PCDHGA4: variants seen among roughly 807,000 people sequenced by gnomAD.
PCDHGA4 encodes the protein protocadherin gamma subfamily A, 4.
Under a neutral mutation model 54.6 loss-of-function variants are expected in PCDHGA4, and 38 were observed. The ratio of observed to expected loss-of-function variants is 0.70; its 90% confidence interval spans 0.54 to 0.91. The LOEUF is 0.91. PCDHGA4 is among the 40% of genes least tolerant of loss of function. The pLI, the probability that PCDHGA4 is intolerant of heterozygous loss-of-function variation, is 0.00. For synonymous variants in PCDHGA4, 511 were observed against 512.9 expected, an observed-to-expected ratio of 1.00 and a Z score of 0.05; for missense variants, 1,298 against 1,220.9, an observed-to-expected ratio of 1.06 and a Z score of -0.94.
intron 1 of PCDHGA4, chr5:141,399,057 A>C (rs747872462): frequency 6.2e-7 from 1 of 1,613,840 alleles, no homozygotes; most frequent in Admixed American, 1.7e-5. Context: ...AGACCAAGGA[A>C]TATTCAATGG....
intron 1 of PCDHGA4, chr5:141,394,841 C>A: frequency 6.2e-7 from 1 of 1,613,852 alleles, no homozygotes; most frequent in Non-Finnish European, 8.5e-7. Flanking sequence ...CCGAGTTGGG[C>A]AGTCTGAAGC....
chr5:141,370,291 A>C (rs1766798910), intron 1 of PCDHGA4: 8 of 1,049,850 alleles, frequency 7.6e-6, no homozygotes, highest in Admixed American at 2.8e-5. Flanking sequence ...AGAGAACCCA[A>C]GCACAAAGAC....
At position 141,476,901 on chromosome 5, in the gene PCDHGA4, G is replaced by C; in HGVS notation, c.2515-17906G>C. On this transcript the variant is annotated intron_variant, in intron 1 of 3. Coordinates refer to ENST00000571252, the MANE Select transcript of PCDHGA4 (RefSeq NM_018917.4). The surrounding 1 kb of genome is among the most constrained non-coding windows in gnomAD (Gnocchi z 7.6). ...CTGGAGGATGCACCCTCCGGCACGC[G>C]CGTGGTACAAGTCCTTGCAACGGAT... The C allele has an allele frequency of 1.2e-6, 2 of 1,613,900 alleles. No homozygotes were observed. Among genetic ancestry groups the C allele is most frequent in the Non-Finnish European group, 1.7e-6 (2 of 1,180,034 alleles).
In PCDHGA4 at chr5:141,490,755, C is replaced by T; in HGVS notation, c.2515-4052C>T. ...AGGTTCAGGGAGCCCCAGCCTCCTC[C>T]TTTGTGTATGTCAACCCAGAGGATG... On this transcript the variant is annotated intron_variant, in intron 1 of 3. Transcript: ENST00000571252. This position sits in a 1 kb window ranked among gnomAD's most constrained non-coding sequence, Gnocchi z 5.4. 1 of 1,614,190 alleles carries T rather than the reference C, an allele frequency of 6.2e-7. No individual in the cohort carries two copies. Among genetic ancestry groups the T allele is most frequent in the Non-Finnish European group, 8.5e-7 (1 of 1,180,026 alleles).
At chr5:141,414,964 G>C (rs1245472476) in intron 1 of PCDHGA4, 11 of 1,613,874 alleles carry the variant, frequency 6.8e-6, no homozygotes, top group Non-Finnish European at 9.3e-6. Context: ...CAAGGTGGTG[G>C]CGGTGGACAG....
rs1252377833 is a variant in PCDHGA4, at chr5:141,485,012, G to T, written c.2515-9795G>T. On this transcript the variant is annotated intron_variant, in intron 1 of 3. Coordinates refer to ENST00000571252, the MANE Select transcript of PCDHGA4 (RefSeq NM_018917.4). The surrounding 1 kb of genome is among the most constrained non-coding windows in gnomAD (Gnocchi z 5.7). Reference sequence around the variant, plus strand: ...GGTGAAAGGCAGACAAATCTACCCCGCCACCAGCAAAAACGGCGCGTAACC... The same window carrying T: ...GGTGAAAGGCAGACAAATCTACCCCTCCACCAGCAAAAACGGCGCGTAACC... The T allele has an allele frequency of 1.3e-5, 8 of 630,528 alleles. No individual in the cohort carries two copies. In the Admixed American group the frequency reaches 1.5e-4, roughly 12 times the overall value. 39.1% of individuals were successfully genotyped at this position (630,528 alleles called of 1,614,324 possible).
intron 1 of PCDHGA4, among the ~76,000 whole-genome samples, chr5:141,488,854 A>G (rs923370040): frequency 1.3e-5 from 2 of 152,226 alleles, no homozygotes; most frequent in Admixed American, 1.3e-4. Context: ...AACCTGCAGC[A>G]CGAAGTGAGT....
At position 141,432,950 on chromosome 5, in the gene PCDHGA4, G is replaced by T. The variant is rs750033444; in HGVS notation, c.2515-61857G>T. ...ACGCCTGCTGCAGGCTTCAGGAGGCGGCTTGACAGGAGCGCCGGCGTCGCA... is the reference window on the plus strand; with the variant it reads ...ACGCCTGCTGCAGGCTTCAGGAGGCTGCTTGACAGGAGCGCCGGCGTCGCA... On this transcript the variant is annotated intron_variant, in intron 1 of 3. Coordinates refer to ENST00000571252, the MANE Select transcript of PCDHGA4 (RefSeq NM_018917.4). This position sits in a 1 kb window ranked among gnomAD's most constrained non-coding sequence, Gnocchi z 6.0. 6 of 1,614,072 alleles carry T rather than the reference G, an allele frequency of 3.7e-6. No individual in the cohort carries two copies. Among genetic ancestry groups the T allele is most frequent in the Admixed American group, 1.7e-5 (1 of 60,010 alleles).
chr5:141,400,245 C>G (rs778709619), intron 1 of PCDHGA4: 32 of 1,613,998 alleles, frequency 2.0e-5, no homozygotes, highest in Non-Finnish European at 2.5e-5. Flanking sequence ...TGATTCTGGC[C>G]GTTGCCTTGC....
intron 1 of PCDHGA4, among the ~76,000 whole-genome samples, chr5:141,369,043 C>A (rs187962324): frequency 6.6e-6 from 1 of 152,148 alleles, no homozygotes; most frequent in Non-Finnish European, 1.5e-5. Flanking sequence ...TTTAGAGTAA[C>A]AATACATTAT....
intron 2 of PCDHGA4, among the ~76,000 whole-genome samples, chr5:141,495,663 G>T (rs756466649): frequency 6.6e-6 from 1 of 152,050 alleles, no homozygotes; most frequent in African/African-American, 2.4e-5. Context: ...GATCTGTGCC[G>T]CCCACTGTGC....
chr5:141,394,633 G>A (rs1026935408), intron 1 of PCDHGA4: 57 of 1,613,274 alleles, frequency 3.5e-5, no homozygotes, highest in Middle Eastern at 1.7e-4. Flanking sequence ...CTGTCCTACC[G>A]CCTGCTCAAG....
chr5:141,455,550 G>C lies in PCDHGA4; in HGVS notation c.2515-39257G>C, dbSNP rs1195359804. On this transcript the variant is annotated intron_variant, in intron 1 of 3. Transcript: ENST00000571252. ...ACCAGGCATATCATTCACGTAGCCC[G>C]AGAAAAAGCTGGCCCTCCCACCCCA... 2.0e-5 allele frequency among the ~76,000 whole-genome samples: 3 copies of C among 152,138 alleles called. No individual in the cohort carries two copies. In the South Asian group the frequency reaches 6.2e-4, roughly 32 times the overall value.
chr5:141,414,540 C>G, intron 1 of PCDHGA4: 1 of 1,613,948 alleles, frequency 6.2e-7, no homozygotes. Flanking sequence ...ACCCACCTAC[C>G]TTCTCTCAAG....
chr5:141,469,394 G>A lies in PCDHGA4; in HGVS notation c.2515-25413G>A, dbSNP rs550152670. Among the ~76,000 whole-genome samples the A allele has an allele frequency of 2.5e-4, 38 of 152,198 alleles. 1 individual carries two copies. The highest frequency in any genetic ancestry group is 8.4e-4 in the African/African-American group (35 of 41,514). On this transcript the variant is annotated intron_variant, in intron 1 of 3. Coordinates refer to ENST00000571252, the MANE Select transcript of PCDHGA4 (RefSeq NM_018917.4). ...GATCGAGACCATCCTGGCCAACATG[G>A]TGAAACCCCGTTTCTACTAAAAATA...
chr5:141,490,584 T>G lies in PCDHGA4; in HGVS notation c.2515-4223T>G, dbSNP rs751060540. 1 of 1,614,170 alleles carries G rather than the reference T, an allele frequency of 6.2e-7. No individual in the cohort carries two copies. Among genetic ancestry groups the G allele is most frequent in the South Asian group, 1.1e-5 (1 of 91,080 alleles). ...TCAGGCTCAACATTTCAGATGTCAA[T>G]GACAATGCACCCCGCTTCAACCAGC... On this transcript the variant is annotated intron_variant, in intron 1 of 3. Transcript: ENST00000571252. This position sits in a 1 kb window ranked among gnomAD's most constrained non-coding sequence, Gnocchi z 5.4.
In PCDHGA4 at chr5:141,355,895, T is replaced by C. The variant is rs1760035586; in HGVS notation, c.788T>C (p.Leu263Pro). ...RSGTARILIILVDTNDNAPVF... is the reference protein window; with the variant it reads ...RSGTARILIIPVDTNDNAPVF... ...GGCACTGCCAGGATTCTCATAATAC[T>C]TGTGGATACCAACGATAATGCTCCC... is the stretch of plus-strand genomic sequence containing the variant. The change falls in exon 1 of 4, where the codon CTT becomes CCT. Residue 263 changes from leucine to proline, a missense_variant. Leu to Pro is a moderately conservative substitution (Grantham distance 98). Transcript: ENST00000571252. The C allele has an allele frequency of 6.2e-7, 1 of 1,613,662 alleles. No homozygotes were observed.
intron 1 of PCDHGA4, among the ~76,000 whole-genome samples, chr5:141,453,121 G>A (rs62379169): frequency 4.7e-4 from 71 of 151,818 alleles, no homozygotes; most frequent in Non-Finnish European, 8.4e-4. Flanking sequence ...GTTTTGTTTT[G>A]TTTTGTTTTT....
intron 1 of PCDHGA4, chr5:141,415,400 C>T (rs754292889): frequency 2.5e-6 from 4 of 1,614,228 alleles, no homozygotes; most frequent in South Asian, 1.1e-5. Flanking sequence ...GTGTCCGGCT[C>T]GCACTTTGTG....
Sources: allele counts gnomAD v4.1 joint callset (sites outside exome capture counted in the v4.1 genomes callset), GRCh38; gene constraint gnomAD v4.1.1; non-coding constraint Gnocchi (gnomAD v3.1); transcripts MANE v1.5; gene names NCBI Gene and HGNC (gene_info 2026-07-23, HGNC 2026-07-21).